Variants in TBXAS1 observed in about 807,000 individuals in gnomAD.
TBXAS1 encodes the protein thromboxane-A synthase.
A neutral mutation model predicts 60.7 loss-of-function variants in TBXAS1; 48 were observed. The ratio of observed to expected loss-of-function variants is 0.79; its 90% CI spans 0.63 to 1.01. TBXAS1 has a LOEUF of 1.01. TBXAS1 is among the 50% of genes least tolerant of loss of function. The pLI, the probability that TBXAS1 is intolerant of heterozygous loss-of-function variation, is 0.00. For missense variants in TBXAS1, 685 were observed against 686.3 expected (o/e 1.00, Z 0.02); for synonymous variants, 287 against 269.7 (o/e 1.06, Z -0.63).
chr7:139,833,409 G>A lies in TBXAS1; in HGVS notation c.89+3930G>A, dbSNP rs138437453. Among the ~76,000 whole-genome samples the A allele has an allele frequency of 1.5e-3, 227 of 151,612 alleles. 1 individual carries two copies. Among genetic ancestry groups the A allele is most frequent in the Non-Finnish European group, 2.2e-3 (146 of 67,888 alleles). On this transcript the variant is annotated intron_variant, in intron 1 of 12. Coordinates refer to ENST00000448866, the MANE Select transcript of TBXAS1 (RefSeq NM_001061.7). Reference sequence around the variant, plus strand: ...TAAAAGAGACAAAGAGGGGCCGGGCGTGGTGGCTCATGCCTGTAATCTCAG... The same window carrying A: ...TAAAAGAGACAAAGAGGGGCCGGGCATGGTGGCTCATGCCTGTAATCTCAG...
At chr7:139,805,666 CTTTCTT>C (rs1797831741) in intron 4 of TBXAS1, among the ~76,000 whole-genome samples, 1 of 62,144 alleles carries the variant, frequency 1.6e-5, no homozygotes, top group African/African-American at 7.7e-5. Context: ...TTTTCTCTTT[CTTTCTT>C]TCTTTCTTTC....
rs1442160248 is a variant in TBXAS1 at position 139,955,543 on chromosome 7, C to A, written c.624C>A (p.Pro208=). The change falls in exon 7 of 13, where the codon CCC becomes CCA. Residue 208 remains proline (P), a synonymous_variant. Coordinates refer to ENST00000448866, the MANE Select transcript of TBXAS1 (RefSeq NM_001061.7). ...PVDSWQAPED[P]FVKHCKRFFE... The stretch of plus-strand genomic sequence containing the variant: ...ACTCCTGGCAGGCCCCTGAGGATCC[C>A]TTTGTGAAACACTGCAAGCGTTTCT... 1 of 1,614,224 alleles carries A rather than the reference C, an allele frequency of 6.2e-7. No individual in the cohort carries two copies. Among genetic ancestry groups the A allele is most frequent in the East Asian group, 2.2e-5 (1 of 44,876 alleles).
At chr7:139,847,358 C>T (rs139432810) in intron 1 of TBXAS1, among the ~76,000 whole-genome samples, 5 of 152,168 alleles carry the variant, frequency 3.3e-5, no homozygotes, top group African/African-American at 4.8e-5. Flanking sequence ...AAATAAGCCC[C>T]GCTAAGCCAT....
chr7:139,938,551 C>A (rs1807997980), intron 5 of TBXAS1, among the ~76,000 whole-genome samples: 1 of 152,166 alleles, frequency 6.6e-6, no homozygotes, highest in African/African-American at 2.4e-5. Flanking sequence ...GAAGGGCCTG[C>A]ATCTTAAAGC....
At chr7:140,003,452 A>T (rs1305573694) in intron 9 of TBXAS1, among the ~76,000 whole-genome samples, 1 of 151,926 alleles carries the variant, frequency 6.6e-6, no homozygotes, top group East Asian at 1.9e-4. Flanking sequence ...TGATCCACCC[A>T]CCTCGGCCTC....
upstream of TBXAS1, among the ~76,000 whole-genome samples, chr7:139,827,493 T>C (rs1283411056): frequency 6.6e-6 from 1 of 152,142 alleles, no homozygotes; most frequent in Non-Finnish European, 1.5e-5. Context: ...TACCATTGCA[T>C]TCATCGGGCT....
At chr7:139,970,481 GC>G (rs1811120128) in intron 9 of TBXAS1, among the ~76,000 whole-genome samples, 1 of 152,244 alleles carries the variant, frequency 6.6e-6, no homozygotes, top group Non-Finnish European at 1.5e-5. Context: ...TGTACAAGGA[GC>G]CAGGTTCTGA....
At chr7:139,948,728 C>T (rs1316882437) in intron 5 of TBXAS1, among the ~76,000 whole-genome samples, 1 of 152,110 alleles carries the variant, frequency 6.6e-6, no homozygotes, top group Admixed American at 6.6e-5. Context: ...GCACATGCCA[C>T]GTTTGCCTGC....
chr7:139,951,489 A>G (rs1809249239), intron 5 of TBXAS1, among the ~76,000 whole-genome samples: 1 of 148,622 alleles, frequency 6.7e-6, no homozygotes, highest in African/African-American at 2.5e-5. Context: ...CAGGCACAGT[A>G]GTTCACGCCT....
chr7:139,840,501 C>G (rs1799361287), intron 1 of TBXAS1, among the ~76,000 whole-genome samples: 2 of 152,162 alleles, frequency 1.3e-5, no homozygotes, highest in Non-Finnish European at 2.9e-5. Context: ...CTTTATTTAA[C>G]CCAGTGTTTT....
intron 3 of TBXAS1, among the ~76,000 whole-genome samples, chr7:139,894,580 C>G (rs1436526998): frequency 6.6e-6 from 1 of 152,154 alleles, no homozygotes; most frequent in Non-Finnish European, 1.5e-5. Context: ...GAGACAGTGA[C>G]CCAGGTATCC....
At chr7:139,868,321 A>G (rs1057474708) in intron 1 of TBXAS1, among the ~76,000 whole-genome samples, 49 of 152,246 alleles carry the variant, frequency 3.2e-4, no homozygotes, top group African/African-American at 1.1e-3. Context: ...TTACAATGAC[A>G]ATTTTTAAAG....
At chr7:140,007,239 C>G in intron 10 of TBXAS1, 57 bp downstream of exon 10, 1 of 1,531,748 alleles carries the variant, frequency 6.5e-7, no homozygotes, top group Non-Finnish European at 9.0e-7. Flanking sequence ...TACCCCCTGC[C>G]CCAGCCTGCA....
At chr7:139,923,133 C>T (rs1367439211) in intron 4 of TBXAS1, among the ~76,000 whole-genome samples, 3 of 151,038 alleles carry the variant, frequency 2.0e-5, no homozygotes, top group African/African-American at 7.3e-5. Flanking sequence ...GCCTGGGTAA[C>T]AAACCAAGAC....
intron 9 of TBXAS1, among the ~76,000 whole-genome samples, chr7:139,986,381 C>T (rs982246899): frequency 6.6e-6 from 1 of 152,010 alleles, no homozygotes; most frequent in African/African-American, 2.4e-5. Context: ...AAAATATTTC[C>T]ATAGATTATT....
intron 4 of TBXAS1, among the ~76,000 whole-genome samples, chr7:139,919,080 A>G (rs1806233444): frequency 6.6e-6 from 1 of 152,186 alleles, no homozygotes; most frequent in African/African-American, 2.4e-5. Flanking sequence ...GTACAGCCAG[A>G]TAGCAATAGA....
At chr7:139,901,098 G>T (rs946152287) in intron 3 of TBXAS1, among the ~76,000 whole-genome samples, 5 of 152,182 alleles carry the variant, frequency 3.3e-5, no homozygotes, top group Non-Finnish European at 7.3e-5. Context: ...CACCCAAAAC[G>T]AAAGCTATGT....
intron 4 of TBXAS1, chr7:139,913,049 G>T: frequency 1.4e-6 from 1 of 690,760 alleles, no homozygotes; most frequent in Non-Finnish European, 2.7e-6. Flanking sequence ...CCCAAAATTT[G>T]CTCATCTTCT....
intron 6 of TBXAS1, among the ~76,000 whole-genome samples, chr7:139,953,895 AC>A (rs1290916565): frequency 6.6e-6 from 1 of 152,254 alleles, no homozygotes; most frequent in Non-Finnish European, 1.5e-5. Context: ...CTTTAAAAAA[AC>A]ATCTTTAGTC....
Sources: gnomAD v4.1 joint callset for allele counts (sites outside exome capture counted in the v4.1 genomes callset) on GRCh38, gnomAD v4.1.1 for gene constraint, MANE v1.5 for transcripts, NCBI Gene and HGNC (gene_info 2026-07-23, HGNC 2026-07-21) for gene names.